The following KCNB2 variants were observed in gnomAD, a reference collection of about 807,000 sequenced individuals.
KCNB2 encodes the protein delayed rectifier potassium channel protein.
A neutral mutation model predicts 61.5 loss-of-function variants in KCNB2; 15 were observed. That is an observed-to-expected ratio of 0.24 (90% CI 0.16 to 0.38). KCNB2 has a LOEUF of 0.38. KCNB2 is among the 10% of genes least tolerant of loss of function. The pLI is 1.00. For synonymous variants in KCNB2, 457 were observed against 446.0 expected, an observed-to-expected ratio of 1.02 and a Z score of -0.31; for missense variants, 828 against 1,125.2, an observed-to-expected ratio of 0.74 and a Z score of 3.78.
At chr8:72,895,633 A>G (rs1181924513) in intron 2 of KCNB2, among the ~76,000 whole-genome samples, 1 of 152,220 alleles carries the variant, frequency 6.6e-6, no homozygotes, top group Non-Finnish European at 1.5e-5. Context: ...ATAAAGTTGC[A>G]TGTCATGGAG....
At chr8:72,720,936 C>A (rs1807538393) in intron 2 of KCNB2, among the ~76,000 whole-genome samples, 1 of 152,126 alleles carries the variant, frequency 6.6e-6, no homozygotes, top group South Asian at 2.1e-4. Context: ...TCTTCCATTT[C>A]TATTAAGTCT....
At chr8:72,658,341 T>G (rs567805933) in intron 2 of KCNB2, among the ~76,000 whole-genome samples, 32 of 152,332 alleles carry the variant, frequency 2.1e-4, no homozygotes, top group African/African-American at 7.5e-4. Context: ...CATTTCCTTA[T>G]GCTAAAGCCT....
chr8:72,920,485 A>G (rs1158293798), intron 2 of KCNB2, among the ~76,000 whole-genome samples: 3 of 134,402 alleles, frequency 2.2e-5, no homozygotes, highest in Non-Finnish European at 3.2e-5. Flanking sequence ...ATATATATAT[A>G]TATTAGCTGG....
chr8:72,577,113 C>T (rs994709171), intron 2 of KCNB2, among the ~76,000 whole-genome samples: 2 of 152,180 alleles, frequency 1.3e-5, no homozygotes, highest in African/African-American at 4.8e-5. Flanking sequence ...CTTAAATCAT[C>T]TCCTTTAATG....
At chr8:72,821,483 TATGAAGTAGG>T (rs1174133368) in intron 2 of KCNB2, among the ~76,000 whole-genome samples, 1 of 151,980 alleles carries the variant, frequency 6.6e-6, no homozygotes, top group East Asian at 1.9e-4. Context: ...CCGTTTCCAC[TATGAAGTAGG>T]GATAATAATA....
At chr8:72,684,481 C>G (rs1806814712) in intron 2 of KCNB2, among the ~76,000 whole-genome samples, 1 of 151,910 alleles carries the variant, frequency 6.6e-6, no homozygotes, top group Non-Finnish European at 1.5e-5. Flanking sequence ...TTGGGAATCA[C>G]AGTATTTAAG....
chr8:72,853,423 T>A (rs1810154153), intron 2 of KCNB2, among the ~76,000 whole-genome samples: 1 of 152,128 alleles, frequency 6.6e-6, no homozygotes, highest in African/African-American at 2.4e-5. Flanking sequence ...CCTTCATCGC[T>A]TTTTCCCCTT....
chr8:72,657,957 C>T (rs913777746), intron 2 of KCNB2, among the ~76,000 whole-genome samples: 22 of 152,132 alleles, frequency 1.4e-4, no homozygotes, highest in Non-Finnish European at 2.8e-4. Flanking sequence ...ATCAGCTCTT[C>T]CTCCATCTGT....
chr8:72,628,765 C>T (rs1329099909), intron 2 of KCNB2, among the ~76,000 whole-genome samples: 1 of 152,132 alleles, frequency 6.6e-6, no homozygotes, highest in East Asian at 1.9e-4. Context: ...CCGAGCCCAC[C>T]TCCTTGCACA....
chr8:72,628,401 G>A (rs1565259), intron 2 of KCNB2, among the ~76,000 whole-genome samples: 2 of 14,616 alleles, frequency 1.4e-4, no homozygotes, highest in Admixed American at 1.2e-3. Context: ...CTGTTAGGGG[G>A]TGTGTGTGTG....
chr8:72,845,713 C>A (rs1217875086), intron 2 of KCNB2, among the ~76,000 whole-genome samples: 1 of 152,200 alleles, frequency 6.6e-6, no homozygotes. Flanking sequence ...CCGGTTCGAA[C>A]TTCCAGGCAG....
intron 2 of KCNB2, among the ~76,000 whole-genome samples, chr8:72,676,325 G>T (rs1041234705): frequency 1.3e-5 from 2 of 151,956 alleles, no homozygotes; most frequent in African/African-American, 2.4e-5. Context: ...TGAAATTGTT[G>T]TACCTCTGTT....
intron 2 of KCNB2, among the ~76,000 whole-genome samples, chr8:72,847,942 T>G (rs1314989198): frequency 3.3e-5 from 5 of 152,156 alleles, no homozygotes; most frequent in African/African-American, 1.2e-4. Flanking sequence ...CAGAAATCTC[T>G]GTGGGAAGTA....
intron 2 of KCNB2, among the ~76,000 whole-genome samples, chr8:72,651,916 A>G (rs929138920): frequency 1.2e-4 from 18 of 152,130 alleles, no homozygotes; most frequent in African/African-American, 4.3e-4. Context: ...CCCACGTCAC[A>G]TGGGCATGAT....
At chr8:72,689,844 TA>T (rs1300131713) in intron 2 of KCNB2, among the ~76,000 whole-genome samples, 1 of 151,638 alleles carries the variant, frequency 6.6e-6, no homozygotes, top group Non-Finnish European at 1.5e-5. Flanking sequence ...ACTTTGGAAT[TA>T]AAAAAAAACT....
intron 2 of KCNB2, among the ~76,000 whole-genome samples, chr8:72,778,265 A>G (rs770446136): frequency 6.6e-5 from 10 of 152,136 alleles, no homozygotes; most frequent in Non-Finnish European, 1.5e-4. Context: ...TATTGTTTTT[A>G]CTACCCTGGA....
At chr8:72,763,300 G>A (rs1271499740) in intron 2 of KCNB2, among the ~76,000 whole-genome samples, 1 of 146,862 alleles carries the variant, frequency 6.8e-6, no homozygotes, top group East Asian at 2.0e-4. Context: ...TAAGAAATCT[G>A]AATTTCCAGG....
chr8:72,688,721 C>T (rs1009513250), intron 2 of KCNB2, among the ~76,000 whole-genome samples: 1 of 151,924 alleles, frequency 6.6e-6, no homozygotes, highest in South Asian at 2.1e-4. Flanking sequence ...TTAATTTACT[C>T]ATTTTTTAAA....
intron 2 of KCNB2, among the ~76,000 whole-genome samples, chr8:72,630,878 T>G (rs548029086): frequency 2.0e-5 from 3 of 152,278 alleles, no homozygotes; most frequent in Non-Finnish European, 4.4e-5. Flanking sequence ...AATAAAGGCA[T>G]TTGTATCAGT....
Sources: gnomAD v4.1 joint callset for allele counts (sites outside exome capture counted in the v4.1 genomes callset) on GRCh38, gnomAD v4.1.1 for gene constraint, MANE v1.5 for transcripts, NCBI Gene and HGNC (gene_info 2026-07-23, HGNC 2026-07-21) for gene names.